Variants in KMT2C observed in about 807,000 individuals in gnomAD.
KMT2C encodes the protein lysine methyltransferase 2C, also known as histone-lysine N-methyltransferase 2C.
Under a neutral mutation model 507.9 loss-of-function variants are expected in KMT2C, and 88 were observed. That is an observed-to-expected ratio of 0.17 (90% CI 0.15 to 0.21). The LOEUF is 0.21. KMT2C is among the 10% of genes least tolerant of loss of function. The probability of loss-of-function intolerance (pLI) is 1.00; values close to 1 mark genes in which losing one functional copy is unlikely to be tolerated. For synonymous variants in KMT2C, 2,049 were observed against 2,080.8 expected (o/e 0.98, Z 0.42); for missense variants, 4,954 against 5,957.8 (o/e 0.83, Z 5.55).
intron 1 of KMT2C, among the ~76,000 whole-genome samples, chr7:152,369,490 T>A (rs1413483586): frequency 1.3e-5 from 2 of 152,168 alleles, no homozygotes; most frequent in East Asian, 1.9e-4. Flanking sequence ...CTACTATGGT[T>A]TGAATATCAT....
intron 9 of KMT2C, among the ~76,000 whole-genome samples, chr7:152,258,528 G>A (rs1479931530): frequency 6.6e-6 from 1 of 151,938 alleles, no homozygotes; most frequent in Non-Finnish European, 1.5e-5. Flanking sequence ...TGCTGTTGTT[G>A]TTGTTGTTGT....
At chr7:152,292,866 G>A (rs1004861368) in intron 6 of KMT2C, among the ~76,000 whole-genome samples, 4 of 152,036 alleles carry the variant, frequency 2.6e-5, no homozygotes, top group Non-Finnish European at 2.9e-5. Flanking sequence ...TTAAGGTCAG[G>A]CCAAACTCTG....
At chr7:152,157,808 C>T (rs530690170) in intron 44 of KMT2C, 1 of 1,324,966 alleles carries the variant, frequency 7.5e-7, no homozygotes, top group Non-Finnish European at 9.9e-7. Flanking sequence ...TCCAGGGTAG[C>T]ACTGCCAAAA....
At chr7:152,401,525 T>C (rs1473812084) in intron 1 of KMT2C, among the ~76,000 whole-genome samples, 1 of 151,498 alleles carries the variant, frequency 6.6e-6, no homozygotes, top group East Asian at 2.0e-4. Flanking sequence ...GCCCCGTCTC[T>C]ACTAAAAATA....
intron 2 of KMT2C, among the ~76,000 whole-genome samples, chr7:152,332,640 G>A (rs893162874): frequency 8.5e-5 from 13 of 152,168 alleles, no homozygotes; most frequent in African/African-American, 2.9e-4. Flanking sequence ...GAGGTCCAGA[G>A]TTCGAGACCA....
At position 152,275,662 on chromosome 7, in the gene KMT2C, G is replaced by T. The variant is rs1240272038; in HGVS notation, c.850-1795C>A. 2.0e-5 allele frequency among the ~76,000 whole-genome samples: 3 copies of T among 151,970 alleles called. No individual in the cohort carries two copies. The East Asian group carries it at 5.8e-4, about 29-fold the overall frequency. ...CAGGTAATTTTTTATAACTCCCAAG[G>T]TATCTAAATATGTTTAGTGCATTAA... On this transcript the variant is annotated intron_variant, in intron 6 of 58. Coordinates refer to ENST00000262189, the MANE Select transcript of KMT2C (RefSeq NM_170606.3).
chr7:152,155,795 T>C, intron 46 of KMT2C, 115 bp downstream of exon 46: 6 of 966,816 alleles, frequency 6.2e-6, no homozygotes, highest in Non-Finnish European at 9.0e-6. Flanking sequence ...CACCAAATTG[T>C]ACTCTTCAAA....
chr7:152,205,314 G>T, intron 24 of KMT2C, 89 bp from the exon 25 acceptor site: 10 of 764,068 alleles, frequency 1.3e-5, no homozygotes, highest in East Asian at 5.1e-5. Context: ...ATCTTGAATA[G>T]TAAGTCATTT....
At chr7:152,394,426 G>A (rs527973338) in intron 1 of KMT2C, among the ~76,000 whole-genome samples, 105 of 152,402 alleles carry the variant, frequency 6.9e-4, no homozygotes, top group African/African-American at 2.3e-3. Flanking sequence ...AACATGCTAA[G>A]CACATTCCTG....
chr7:152,181,339 T>C lies in KMT2C; in HGVS notation c.6521A>G (p.Tyr2174Cys), dbSNP rs1291570152. The change falls in exon 36 of 59, where the codon TAT (tyrosine) becomes TGT (cysteine). Residue 2174 changes from tyrosine (Y) to cysteine (C), a missense_variant. Physicochemically the swap from Tyr to Cys is radical, Grantham distance 194. Around this residue, in one of 29 missense-constraint regions of KMT2C, gnomAD observed 1,689 missense variants for 1,654.3 expected, o/e 1.02. Coordinates refer to ENST00000262189, the MANE Select transcript of KMT2C (RefSeq NM_170606.3). Reference sequence around the variant, plus strand: ...TCTTGGGGTTTGGGGCTGCTGACTATATGGGTCAACAGTAGTAGGCCGGGG... The same window carrying C: ...TCTTGGGGTTTGGGGCTGCTGACTACATGGGTCAACAGTAGTAGGCCGGGG... ...GTPRPTTVDP[Y>C]SQQPQTPRPS... The C allele has an allele frequency of 6.2e-6, 10 of 1,613,846 alleles. No individual in the cohort carries two copies. Among genetic ancestry groups the C allele is most frequent in the African/African-American group, 1.3e-5 (1 of 74,838 alleles).
intron 1 of KMT2C, among the ~76,000 whole-genome samples, chr7:152,385,017 T>C (rs1373912658): frequency 2.0e-5 from 3 of 152,142 alleles, no homozygotes; most frequent in African/African-American, 7.2e-5. Flanking sequence ...CCATATTTTG[T>C]GCCTCCTGAT....
At chr7:152,403,715 T>TACAC (rs36191060) in intron 1 of KMT2C, among the ~76,000 whole-genome samples, 464 of 139,762 alleles carry the variant, frequency 3.3e-3, no homozygotes, top group East Asian at 5.7e-3. Context: ...CTGGGACACA[T>TACAC]ACACACACAC....
At chr7:152,207,542 C>G in intron 23 of KMT2C, 114 bp from the exon 24 acceptor site, 1 of 862,360 alleles carries the variant, frequency 1.2e-6, no homozygotes. Flanking sequence ...TTGTACATCC[C>G]TGTTGGTAGG....
intron 1 of KMT2C, among the ~76,000 whole-genome samples, chr7:152,389,114 C>A (rs1008967171): frequency 9.3e-5 from 14 of 150,818 alleles, no homozygotes; most frequent in Non-Finnish European, 1.8e-4. Flanking sequence ...GACCTCCTGG[C>A]CTCGTGATCT....
intron 1 of KMT2C, among the ~76,000 whole-genome samples, chr7:152,407,631 C>T (rs539352232): frequency 1.7e-3 from 14 of 8,068 alleles, no homozygotes; most frequent in African/African-American, 7.0e-3. Context: ...AACATCGCAC[C>T]ACTGCACTCT....
intron 23 of KMT2C, among the ~76,000 whole-genome samples, chr7:152,212,065 GAA>G (rs1175846428): frequency 6.6e-6 from 1 of 151,856 alleles, no homozygotes; most frequent in Non-Finnish European, 1.5e-5. Flanking sequence ...GAAGAAAAGA[GAA>G]GAGAAGAGAC....
intron 1 of KMT2C, among the ~76,000 whole-genome samples, chr7:152,376,964 C>T (rs143071114): frequency 2.0e-5 from 3 of 152,052 alleles, no homozygotes; most frequent in East Asian, 3.9e-4. Flanking sequence ...GTAGGAGAAT[C>T]GCTTGAGCCC....
intron 6 of KMT2C, among the ~76,000 whole-genome samples, chr7:152,308,526 A>G (rs1385723931): frequency 6.6e-6 from 1 of 151,740 alleles, no homozygotes; most frequent in Non-Finnish European, 1.5e-5. Flanking sequence ...ATATACAAAA[A>G]TTAGCCGGTG....
intron 2 of KMT2C, among the ~76,000 whole-genome samples, chr7:152,357,530 C>A (rs1045331400): frequency 6.6e-6 from 1 of 151,820 alleles, no homozygotes; most frequent in African/African-American, 2.4e-5. Context: ...AGACTCTTGT[C>A]TTAAAAACAA....
Sources: gnomAD v4.1 joint callset for allele counts (sites outside exome capture counted in the v4.1 genomes callset) on GRCh38, gnomAD v4.1.1 for gene constraint, gnomAD v4.1.1 regional missense constraint, MANE v1.5 for transcripts, NCBI Gene and HGNC (gene_info 2026-07-23, HGNC 2026-07-21) for gene names.